LMNTD1: variants seen among roughly 807,000 people sequenced by gnomAD.
LMNTD1 encodes the protein lamin tail domain containing 1.
LMNTD1 carries 35 observed loss-of-function variants against 50.9 expected under a neutral mutation model. The ratio of observed to expected loss-of-function variants is 0.69; its 90% CI spans 0.53 to 0.91. The LOEUF is 0.91. Among genes scored for constraint, LMNTD1 ranks in the 40% least tolerant of loss-of-function variants. The pLI, the probability that LMNTD1 is intolerant of heterozygous loss-of-function variation, is 0.00. For missense variants in LMNTD1, 470 were observed against 475.5 expected, an observed-to-expected ratio of 0.99 and a Z score of 0.11; for synonymous variants, 153 against 161.9, an observed-to-expected ratio of 0.94 and a Z score of 0.42.
At chr12:25,629,491 A>C (rs1161598638) in intron 1 of LMNTD1, among the ~76,000 whole-genome samples, 1 of 152,176 alleles carries the variant, frequency 6.6e-6, no homozygotes, top group African/African-American at 2.4e-5. Context: ...GAAACAATCC[A>C]AGAGGACCAG....
chr12:25,574,804 T>C (rs374949536), intron 1 of LMNTD1, among the ~76,000 whole-genome samples: 4 of 152,300 alleles, frequency 2.6e-5, no homozygotes, highest in East Asian at 3.9e-4. Context: ...AGACACCTTG[T>C]AAGTATTTGC....
At chr12:25,609,114 G>A (rs1043475549) in intron 1 of LMNTD1, among the ~76,000 whole-genome samples, 7 of 151,862 alleles carry the variant, frequency 4.6e-5, no homozygotes, top group Admixed American at 6.6e-5. Context: ...TGATTGAATC[G>A]GCTACTGAAG....
intron 1 of LMNTD1, among the ~76,000 whole-genome samples, chr12:25,570,297 T>A (rs1305906309): frequency 6.6e-6 from 1 of 152,182 alleles, no homozygotes; most frequent in Non-Finnish European, 1.5e-5. Flanking sequence ...AGGAATAGTT[T>A]TTTCAAAGGC....
At chr12:25,542,099 T>C (rs1354632919) in intron 4 of LMNTD1, among the ~76,000 whole-genome samples, 2 of 149,844 alleles carry the variant, frequency 1.3e-5, no homozygotes, top group East Asian at 2.0e-4. Context: ...TATGGAGAAA[T>C]AGGAACACTT....
At chr12:25,548,563 T>C (rs1272066067) in intron 3 of LMNTD1, among the ~76,000 whole-genome samples, 1 of 151,980 alleles carries the variant, frequency 6.6e-6, no homozygotes, top group Non-Finnish European at 1.5e-5. Context: ...GACATTTCTA[T>C]TTTAATCCCC....
At chr12:25,558,761 C>A (rs184146785) in intron 1 of LMNTD1, among the ~76,000 whole-genome samples, 31 of 152,212 alleles carry the variant, frequency 2.0e-4, no homozygotes, top group African/African-American at 6.5e-4. Context: ...CTTTATAAAA[C>A]CATCAGATGT....
chr12:25,599,524 G>T (rs1945916596), intron 1 of LMNTD1, among the ~76,000 whole-genome samples: 1 of 151,988 alleles, frequency 6.6e-6, no homozygotes, highest in South Asian at 2.1e-4. Flanking sequence ...CTGGTTTGCA[G>T]ATGATATAAT....
upstream of LMNTD1, chr12:25,557,342 CTTCA>C (rs1944085247): frequency 6.6e-6 from 1 of 152,158 alleles, no homozygotes; most frequent in Non-Finnish European, 1.5e-5. Context: ...TCAAAGTAAT[CTTCA>C]TGGAGCTTCC....
chr12:25,605,050 T>C (rs943199259), intron 1 of LMNTD1, among the ~76,000 whole-genome samples: 19 of 152,200 alleles, frequency 1.2e-4, no homozygotes, highest in African/African-American at 4.3e-4. Context: ...CTAACTGGTG[T>C]GAGATGGTAT....
At chr12:25,605,081 C>T (rs1476044423) in intron 1 of LMNTD1, among the ~76,000 whole-genome samples, 1 of 152,126 alleles carries the variant, frequency 6.6e-6, no homozygotes, top group African/African-American at 2.4e-5. Flanking sequence ...TTTTGATTTG[C>T]ATTTCTCTGA....
In LMNTD1 at chr12:25,574,343, A is replaced by G. The variant is rs114356688; in HGVS notation, c.59-27789T>C. Among the ~76,000 whole-genome samples the G allele has an allele frequency of 6.0e-3, 914 of 152,068 alleles. 9 individuals carry two copies. Among genetic ancestry groups the G allele is most frequent in the African/African-American group, 0.021 (857 of 41,470 alleles). On this transcript the variant is annotated intron_variant, in intron 1 of 7. Transcript: ENST00000445693. ...AATCTGTGTGGTATCTTTGCCAGTG[A>G]CCCTTGCCCTCCCCCATCCAGGCCT...
chr12:25,644,605 A>G (rs1947026468), intron 1 of LMNTD1, among the ~76,000 whole-genome samples: 1 of 152,250 alleles, frequency 6.6e-6, no homozygotes, highest in Non-Finnish European at 1.5e-5. Flanking sequence ...GAGAATGATG[A>G]AAACCAAGGA....
chr12:25,510,159 G>A (rs1460165452), intron 8 of LMNTD1, among the ~76,000 whole-genome samples: 1 of 150,752 alleles, frequency 6.6e-6, no homozygotes, highest in Non-Finnish European at 1.5e-5. Flanking sequence ...TCTCTCTATA[G>A]CTCTGCGCAT....
chr12:25,599,485 C>G (rs539799762), intron 1 of LMNTD1, among the ~76,000 whole-genome samples: 1 of 151,922 alleles, frequency 6.6e-6, no homozygotes, highest in African/African-American at 2.4e-5. Flanking sequence ...GAAGGGTATC[C>G]AAATTTGAAA....
chr12:25,476,996 C>T lies in LMNTD1; in HGVS notation c.*23-536G>A, dbSNP rs748782444. ...ATTATCACCACACCAAGGTGAGTTT[C>T]CTGAGGCAGCGTGACCCATATTCCC... On this transcript the variant is annotated intron_variant, in intron 9 of 9. Transcript: ENST00000458174. Among the ~76,000 whole-genome samples the T allele has an allele frequency of 6.6e-5, 10 of 152,274 alleles. No individual in the cohort carries two copies. The South Asian group carries it at 1.7e-3, about 25-fold the overall frequency.
At chr12:25,611,215 T>A (rs967557757) in intron 1 of LMNTD1, among the ~76,000 whole-genome samples, 2 of 152,198 alleles carry the variant, frequency 1.3e-5, no homozygotes, top group African/African-American at 2.4e-5. Context: ...GCAATTTTAA[T>A]GGCGTACTGG....
chr12:25,503,928 A>G, intron 8 of LMNTD1, 128 bp from the exon 9 acceptor site: 1 of 549,002 alleles, frequency 1.8e-6, no homozygotes. Context: ...TAACAACAAA[A>G]GGATTTTCTT....
intron 1 of LMNTD1, among the ~76,000 whole-genome samples, chr12:25,617,606 G>C (rs1014765764): frequency 6.6e-6 from 1 of 152,108 alleles, no homozygotes; most frequent in African/African-American, 2.4e-5. Context: ...AATGGGGAAG[G>C]GGGGACAAAG....
At chr12:25,479,465 A>ATGTGG (rs1938373792) in intron 9 of LMNTD1, among the ~76,000 whole-genome samples, 1 of 152,154 alleles carries the variant, frequency 6.6e-6, no homozygotes, top group Admixed American at 6.5e-5. Flanking sequence ...CCTGCAAAGT[A>ATGTGG]TTGTCATGTA....
Sources: allele counts gnomAD v4.1 joint callset (sites outside exome capture counted in the v4.1 genomes callset), GRCh38; gene constraint gnomAD v4.1.1; transcripts MANE v1.5; gene names NCBI Gene and HGNC (gene_info 2026-07-23, HGNC 2026-07-21).